Variants in KLHL4 observed in about 807,000 individuals in gnomAD.
KLHL4 encodes kelch like family member 4.
Under a neutral mutation model 45.8 loss-of-function variants are expected in KLHL4, and 17 were observed. The observed-to-expected ratio is 0.37, with a 90% confidence interval of 0.25 to 0.56. KLHL4 has a LOEUF of 0.56. Among genes scored for constraint, KLHL4 ranks in the 20% least tolerant of loss-of-function variants. The pLI, the probability that KLHL4 is intolerant of heterozygous loss-of-function variation, is 0.79. For synonymous variants in KLHL4, 224 were observed against 189.9 expected, an observed-to-expected ratio of 1.18 and a Z score of -1.47; for missense variants, 544 against 544.9, an observed-to-expected ratio of 1.00 and a Z score of 0.02.
At chrX:87,560,400 G>T (rs1932069265) in intron 1 of KLHL4, among the ~76,000 whole-genome samples, 1 of 111,576 alleles carries the variant, frequency 9.0e-6, no homozygotes, top group Non-Finnish European at 1.9e-5. Flanking sequence ...GTTTTCATTT[G>T]CAGGCTGCTG....
At chrX:87,534,488 A>T (rs1931387488) in intron 1 of KLHL4, among the ~76,000 whole-genome samples, 2 of 111,285 alleles carry the variant, frequency 1.8e-5, no homozygotes, top group Admixed American at 1.9e-4. Flanking sequence ...GAAATCTAAG[A>T]CTTGAATCTG....
chrX:87,605,991 A>G (rs909778301), intron 1 of KLHL4, among the ~76,000 whole-genome samples: 1 of 111,061 alleles, frequency 9.0e-6, no homozygotes, highest in African/African-American at 3.3e-5. Flanking sequence ...TAAGATGATC[A>G]TATGGTCTTG....
chrX:87,582,317 G>A (rs764898610), intron 1 of KLHL4, among the ~76,000 whole-genome samples: 48 of 111,783 alleles, frequency 4.3e-4, no homozygotes, highest in East Asian at 5.7e-4. Flanking sequence ...CTGGAATCGC[G>A]GATGCCACCA....
At chrX:87,574,252 T>C (rs1470439778) in intron 1 of KLHL4, among the ~76,000 whole-genome samples, 1 of 111,764 alleles carries the variant, frequency 8.9e-6, no homozygotes, top group Non-Finnish European at 1.9e-5. Flanking sequence ...CATTATGTTA[T>C]AGAACAAGTG....
intron 1 of KLHL4, among the ~76,000 whole-genome samples, chrX:87,518,588 A>G (rs1422262194): frequency 8.9e-6 from 1 of 111,791 alleles, no homozygotes; most frequent in African/African-American, 3.3e-5. Flanking sequence ...AGAGATGTTT[A>G]TTGTAATTAC....
intron 9 of KLHL4, among the ~76,000 whole-genome samples, chrX:87,639,782 G>C (rs761641965): frequency 1.1e-4 from 12 of 110,087 alleles, no homozygotes; most frequent in South Asian, 7.7e-4. Context: ...AGACAATCTA[G>C]GGTTACACGT....
chrX:87,568,732 G>A (rs1345060141), intron 1 of KLHL4, among the ~76,000 whole-genome samples: 1 of 111,262 alleles, frequency 9.0e-6, no homozygotes, highest in Non-Finnish European at 1.9e-5. Flanking sequence ...AGTGTGCTAA[G>A]ACTATACAAT....
At chrX:87,571,144 T>G (rs757988307) in intron 1 of KLHL4, among the ~76,000 whole-genome samples, 1 of 111,141 alleles carries the variant, frequency 9.0e-6, no homozygotes, top group African/African-American at 3.2e-5. Context: ...CTGTTTGCCA[T>G]ATATTATACT....
At chrX:87,558,078 T>C (rs781774433) in intron 1 of KLHL4, among the ~76,000 whole-genome samples, 1 of 112,071 alleles carries the variant, frequency 8.9e-6, no homozygotes, top group African/African-American at 3.2e-5. Flanking sequence ...TGTTTCTCAG[T>C]TTTCTACATA....
At chrX:87,570,866 G>A (rs1401329460) in intron 1 of KLHL4, among the ~76,000 whole-genome samples, 1 of 110,455 alleles carries the variant, frequency 9.1e-6, no homozygotes, top group Non-Finnish European at 1.9e-5. Context: ...AGGATTAAAT[G>A]GAATTTGGCA....
chrX:87,548,035 A>G (rs1237419875), intron 1 of KLHL4, among the ~76,000 whole-genome samples: 1 of 111,169 alleles, frequency 9.0e-6, no homozygotes, highest in South Asian at 3.8e-4. Flanking sequence ...AGCATATATA[A>G]CACAAATAAG....
In KLHL4 at chrX:87,668,127, A is replaced by G; in HGVS notation, c.*1593A>G. On this transcript the variant is annotated 3_prime_UTR_variant, in exon 11 of 11. Coordinates refer to ENST00000373119, the MANE Select transcript of KLHL4 (RefSeq NM_019117.5). The stretch of plus-strand genomic sequence containing the variant: ...GTTCTAGAGGTGAAGATAGAGACAT[A>G]GAGAGGCTGTGAAACACACATACAG... 2.7e-6 allele frequency: 2 copies of G among 752,536 alleles called. No homozygotes were observed. The highest frequency in any genetic ancestry group is 3.1e-6 in the Non-Finnish European group (2 of 637,491). The allele number at this position is 752,536 out of a possible 1,213,427, so 62.0% of individuals were successfully genotyped here.
At chrX:87,544,492 C>T (rs752722890) in intron 1 of KLHL4, among the ~76,000 whole-genome samples, 1 of 111,229 alleles carries the variant, frequency 9.0e-6, no homozygotes, top group South Asian at 3.8e-4. Flanking sequence ...TACAGCAGGC[C>T]GTGTGTGAAA....
chrX:87,571,009 A>C (rs1932325375), intron 1 of KLHL4, among the ~76,000 whole-genome samples: 1 of 110,969 alleles, frequency 9.0e-6, no homozygotes. Context: ...AGATTTCAGT[A>C]ACGTAATTCT....
In KLHL4 at chrX:87,632,260, A is replaced by G; in HGVS notation, c.1375A>G (p.Ile459Val). The change falls in exon 7 of 11, where the codon ATT (isoleucine) becomes GTT (valine). Residue 459 changes from isoleucine (I) to valine (V), a missense_variant. Transcript: ENST00000373119. Reference protein sequence around the residue: ...YDLRTNSWLHIGTMNGRRLQF... With the variant: ...YDLRTNSWLHVGTMNGRRLQF... ...CCTCAGGACCAACAGTTGGCTACAT[A>G]TTGGCACCATGAATGGCCGTAGGCT... The G allele has an allele frequency of 8.3e-7, 1 of 1,208,429 alleles. No homozygotes were observed. The highest frequency in any genetic ancestry group is 1.1e-6 in the Non-Finnish European group (1 of 892,515).
In KLHL4 at chrX:87,637,283, G is replaced by A. The variant is rs183220272; in HGVS notation, c.1925+1508G>A. On this transcript the variant is annotated intron_variant, in intron 9 of 10. Coordinates refer to ENST00000373119, the MANE Select transcript of KLHL4 (RefSeq NM_019117.5). Reference sequence around the variant, plus strand: ...GAAGCCCCATCCCTAGGGGAAAGGGGAGAGCACCACATCAAGGGATCACCC... The same window carrying A: ...GAAGCCCCATCCCTAGGGGAAAGGGAAGAGCACCACATCAAGGGATCACCC... Among the ~76,000 whole-genome samples, 7 of 111,783 alleles carry A rather than the reference G, an allele frequency of 6.3e-5. No individual in the cohort carries two copies. The East Asian group carries it at 2.0e-3, about 32-fold the overall frequency.
At chrX:87,555,688 T>C (rs1219659317) in intron 1 of KLHL4, among the ~76,000 whole-genome samples, 1 of 106,576 alleles carries the variant, frequency 9.4e-6, no homozygotes, top group African/African-American at 3.4e-5. Context: ...TTCATTAATT[T>C]TTTGAAGGGT....
At chrX:87,600,608 C>T (rs1406606062) in intron 1 of KLHL4, among the ~76,000 whole-genome samples, 5 of 111,760 alleles carry the variant, frequency 4.5e-5, no homozygotes, top group African/African-American at 9.8e-5. Flanking sequence ...TTTAAGTTTT[C>T]GGAGACCTCC....
At chrX:87,613,500 G>T (rs924063842) in intron 1 of KLHL4, among the ~76,000 whole-genome samples, 2 of 111,460 alleles carry the variant, frequency 1.8e-5, no homozygotes, top group Non-Finnish European at 3.8e-5. Context: ...AATTTTAAAA[G>T]TATTTTGACT....
Sources: allele counts gnomAD v4.1 joint callset (sites outside exome capture counted in the v4.1 genomes callset), GRCh38; gene constraint gnomAD v4.1.1; transcripts MANE v1.5; gene names NCBI Gene and HGNC (gene_info 2026-07-23, HGNC 2026-07-21).